SATL1: variants seen among roughly 807,000 people sequenced by gnomAD.
SATL1 encodes spermidine/spermine N(1)-acetyltransferase-like protein 1.
A neutral mutation model predicts 51.8 loss-of-function variants in SATL1; 47 were observed. The ratio of observed to expected loss-of-function variants is 0.91; its 90% CI spans 0.72 to 1.16. SATL1 has a LOEUF of 1.16. Ranked by LOEUF, SATL1 falls within the 50% of genes most tolerant of loss-of-function variation. SATL1 has a pLI of 0.00. For synonymous variants in SATL1, 176 were observed against 182.4 expected, an observed-to-expected ratio of 0.97 and a Z score of 0.28; for missense variants, 520 against 526.4, an observed-to-expected ratio of 0.99 and a Z score of 0.12.
chrX:85,112,438 G>A lies in SATL1; in HGVS notation c.-312-3158C>T, dbSNP rs112883269. On this transcript the variant is annotated intron_variant, in intron 2 of 7. Coordinates refer to ENST00000644105, the MANE Select transcript of SATL1 (RefSeq NM_001367857.2). ...AGGTGACTTGCGGGATGAAGCGCAC[G>A]GTTTGACCTTTGACTTAGGTCTATA... Among the ~76,000 whole-genome samples the A allele has an allele frequency of 6.6e-3, 732 of 111,152 alleles. 6 individuals are homozygous for A. The highest frequency in any genetic ancestry group is 0.023 in the African/African-American group (702 of 30,619).
chrX:85,135,014 G>T (rs1347629248), intron 2 of SATL1, among the ~76,000 whole-genome samples: 3 of 112,070 alleles, frequency 2.7e-5, no homozygotes, highest in Non-Finnish European at 3.8e-5. Flanking sequence ...ACAAGATCAT[G>T]TCCTTTGCAG....
chrX:85,240,984 C>T (rs531608492), intron 1 of SATL1, among the ~76,000 whole-genome samples: 5 of 108,787 alleles, frequency 4.6e-5, no homozygotes, highest in Admixed American at 2.9e-4. Context: ...CAATATGTCA[C>T]AATCTCATCT....
chrX:85,136,597 C>T (rs1328721691), intron 2 of SATL1, among the ~76,000 whole-genome samples: 1 of 111,842 alleles, frequency 8.9e-6, no homozygotes, highest in Non-Finnish European at 1.9e-5. Context: ...GGAAAAGTGC[C>T]TGCTGGATTT....
intron 2 of SATL1, among the ~76,000 whole-genome samples, chrX:85,148,885 G>A (rs1009277731): frequency 9.0e-6 from 1 of 111,020 alleles, no homozygotes; most frequent in African/African-American, 3.3e-5. Flanking sequence ...AGGCCATCGA[G>A]ACTAGGAAGA....
At chrX:85,198,590 C>G (rs772585576) in intron 2 of SATL1, among the ~76,000 whole-genome samples, 24 of 110,677 alleles carry the variant, frequency 2.2e-4, no homozygotes, top group African/African-American at 7.5e-4. Flanking sequence ...ATGTTGAGTA[C>G]CTTTAAATTT....
At chrX:85,147,595 C>CA (rs767793205) in intron 2 of SATL1, among the ~76,000 whole-genome samples, 2 of 112,010 alleles carry the variant, frequency 1.8e-5, no homozygotes, top group African/African-American at 6.5e-5. Flanking sequence ...ACTGACACCT[C>CA]ACACAGCCAG....
At chrX:85,172,389 TA>T in intron 2 of SATL1, among the ~76,000 whole-genome samples, 1 of 111,395 alleles carries the variant, frequency 9.0e-6, no homozygotes, top group African/African-American at 3.2e-5. Flanking sequence ...TCTAGTCTAG[TA>T]AAAAAGATGA....
At chrX:85,099,397 T>C (rs1439643524) in intron 4 of SATL1, among the ~76,000 whole-genome samples, 3 of 111,715 alleles carry the variant, frequency 2.7e-5, no homozygotes, top group Non-Finnish European at 5.6e-5. Context: ...CACTTTGTAA[T>C]TAATTCCGTG....
At chrX:85,224,984 C>A (rs1004061526) in intron 1 of SATL1, among the ~76,000 whole-genome samples, 1 of 110,795 alleles carries the variant, frequency 9.0e-6, no homozygotes, top group Non-Finnish European at 1.9e-5. Flanking sequence ...CTGAATGGAT[C>A]CCCAAAGATT....
chrX:85,242,663 G>A lies in SATL1; in HGVS notation c.-435+925C>T, dbSNP rs772269907. ...ACATACACACACACATCACATGCGCGCACACGAGCATGCTCCTTCTCTGTG... is the reference window on the plus strand; with the variant it reads ...ACATACACACACACATCACATGCGCACACACGAGCATGCTCCTTCTCTGTG... On this transcript the variant is annotated intron_variant, in intron 1 of 7. Transcript: ENST00000644105. 6.3e-5 allele frequency among the ~76,000 whole-genome samples: 7 copies of A among 111,876 alleles called. No individual in the cohort carries two copies. In the East Asian group the frequency reaches 1.1e-3, roughly 18 times the overall value.
At chrX:85,109,691 A>G (rs997362026) in intron 2 of SATL1, among the ~76,000 whole-genome samples, 53 of 111,862 alleles carry the variant, frequency 4.7e-4, no homozygotes, top group Non-Finnish European at 1.1e-4. Flanking sequence ...CAAGTCTCGA[A>G]TGCAGATACT....
At chrX:85,179,351 TA>T (rs968358318) in intron 2 of SATL1, among the ~76,000 whole-genome samples, 19 of 111,404 alleles carry the variant, frequency 1.7e-4, no homozygotes, top group African/African-American at 4.2e-4. Flanking sequence ...TTATCTAATT[TA>T]AAAAAAATAT....
At chrX:85,168,572 G>A (rs751322594) in intron 2 of SATL1, among the ~76,000 whole-genome samples, 15 of 111,345 alleles carry the variant, frequency 1.3e-4, no homozygotes, top group African/African-American at 4.6e-4. Context: ...GGAGGGAGGT[G>A]AAAGATTTCT....
At chrX:85,171,514 G>T (rs1448668275) in intron 2 of SATL1, among the ~76,000 whole-genome samples, 1 of 111,209 alleles carries the variant, frequency 9.0e-6, no homozygotes, top group African/African-American at 3.3e-5. Flanking sequence ...AGAAAATCTA[G>T]CTTTCTTTTC....
intron 2 of SATL1, among the ~76,000 whole-genome samples, chrX:85,190,968 G>A (rs1239596412): frequency 9.3e-5 from 9 of 97,132 alleles, no homozygotes; most frequent in African/African-American, 3.4e-4. Context: ...GGGGCCTGTC[G>A]TGGTGTAGGG....
At chrX:85,242,060 G>A (rs1242542434) in intron 1 of SATL1, among the ~76,000 whole-genome samples, 1 of 111,846 alleles carries the variant, frequency 8.9e-6, no homozygotes, top group Non-Finnish European at 1.9e-5. Flanking sequence ...TTAATTCCAC[G>A]GATATTAAAG....
chrX:85,225,229 A>G (rs752337947), intron 1 of SATL1, among the ~76,000 whole-genome samples: 1 of 111,987 alleles, frequency 8.9e-6, no homozygotes, highest in Non-Finnish European at 1.9e-5. Flanking sequence ...ACTTACACAT[A>G]TAACATTTTA....
At chrX:85,150,180 A>C (rs1301943850) in intron 2 of SATL1, among the ~76,000 whole-genome samples, 20 of 111,522 alleles carry the variant, frequency 1.8e-4, no homozygotes, top group African/African-American at 3.6e-4. Context: ...GAGAATACTA[A>C]AAACACCTCT....
At chrX:85,165,708 G>T (rs954934495) in intron 2 of SATL1, among the ~76,000 whole-genome samples, 1 of 111,523 alleles carries the variant, frequency 9.0e-6, no homozygotes, top group African/African-American at 3.3e-5. Flanking sequence ...CTCAATGGCT[G>T]CTTTTCAGAA....
Sources: allele counts gnomAD v4.1 joint callset (sites outside exome capture counted in the v4.1 genomes callset), GRCh38; gene constraint gnomAD v4.1.1; transcripts MANE v1.5; gene names NCBI Gene and HGNC (gene_info 2026-07-23, HGNC 2026-07-21).